The following MAPKAP1 variants were observed in gnomAD, a reference collection of about 807,000 sequenced individuals.
MAPKAP1 encodes MAPK associated protein 1.
Under a neutral mutation model 65.7 loss-of-function variants are expected in MAPKAP1, and 20 were observed. That is an observed-to-expected ratio of 0.30 (90% CI 0.21 to 0.44). The LOEUF (loss-of-function observed/expected upper bound fraction) is 0.44. Among genes scored for constraint, MAPKAP1 ranks in the 20% least tolerant of loss-of-function variants. MAPKAP1 has a pLI of 1.00. For missense variants in MAPKAP1, 423 were observed against 648.0 expected (o/e 0.65, Z 3.77); for synonymous variants, 222 against 244.3 (o/e 0.91, Z 0.85).
At chr9:125,565,741 C>CAA (rs71374275) in intron 5 of MAPKAP1, 2,571 of 148,878 alleles carry the variant, frequency 0.017, 119 homozygotes, top group East Asian at 0.08. Context: ...TTCTCTCCTG[C>CAA]AAAAAAAAAA....
chr9:125,451,211 C>T (rs1852935717), intron 10 of MAPKAP1: 1 of 152,248 alleles, frequency 6.6e-6, no homozygotes, highest in Admixed American at 6.5e-5. Context: ...TCACTATGCC[C>T]TCAATGTCGA....
At chr9:125,639,611 G>A (rs1465122131) in intron 4 of MAPKAP1, among the ~76,000 whole-genome samples, 2 of 152,150 alleles carry the variant, frequency 1.3e-5, no homozygotes, top group Non-Finnish European at 2.9e-5. Context: ...AGAGAGGCAC[G>A]GGAAGAGACA....
intron 6 of MAPKAP1, among the ~76,000 whole-genome samples, chr9:125,553,764 C>T (rs1450079962): frequency 1.3e-5 from 2 of 152,148 alleles, no homozygotes; most frequent in African/African-American, 4.8e-5. Flanking sequence ...GAGCTAGAAG[C>T]GGTGGCTGAA....
chr9:125,549,465 A>G (rs1008714123), intron 6 of MAPKAP1, among the ~76,000 whole-genome samples: 3 of 152,258 alleles, frequency 2.0e-5, no homozygotes, highest in Admixed American at 1.3e-4. Flanking sequence ...CTTTATCCAT[A>G]AAGAGTTTAC....
At chr9:125,492,359 A>G (rs1231750887) in intron 8 of MAPKAP1, among the ~76,000 whole-genome samples, 1 of 152,242 alleles carries the variant, frequency 6.6e-6, no homozygotes, top group Non-Finnish European at 1.5e-5. Flanking sequence ...TTGGACAATA[A>G]TAATGGGAAA....
intron 6 of MAPKAP1, among the ~76,000 whole-genome samples, chr9:125,547,988 G>T (rs1830477953): frequency 6.6e-6 from 1 of 152,174 alleles, no homozygotes; most frequent in Non-Finnish European, 1.5e-5. Flanking sequence ...AATACAAGTT[G>T]TCCACTGTTT....
intron 10 of MAPKAP1, among the ~76,000 whole-genome samples, chr9:125,453,038 A>G (rs756720612): frequency 6.6e-6 from 1 of 152,254 alleles, no homozygotes; most frequent in South Asian, 2.1e-4. Context: ...CCAAAGTTAA[A>G]TAAGAGTGGC....
chr9:125,632,946 CTCTA>C (rs1438975790), intron 4 of MAPKAP1, among the ~76,000 whole-genome samples: 1 of 152,196 alleles, frequency 6.6e-6, no homozygotes, highest in Non-Finnish European at 1.5e-5. Flanking sequence ...AACCACAGCC[CTCTA>C]TCTAGCTAAC....
chr9:125,625,257 A>AAAT (rs1833077613), intron 4 of MAPKAP1, among the ~76,000 whole-genome samples: 1 of 64,066 alleles, frequency 1.6e-5, no homozygotes, highest in Non-Finnish European at 3.1e-5. Flanking sequence ...TAAATAAATA[A>AAAT]AAAAAAAAAA....
At chr9:125,617,070 TAATTA>T (rs199507797) in intron 4 of MAPKAP1, among the ~76,000 whole-genome samples, 1,697 of 152,322 alleles carry the variant, frequency 0.011, 41 homozygotes, top group African/African-American at 0.038. Flanking sequence ...ACAGATATTT[TAATTA>T]AATTAATGTA....
intron 8 of MAPKAP1, among the ~76,000 whole-genome samples, chr9:125,496,369 G>T (rs73591555): frequency 0.014 from 2,120 of 152,290 alleles, 46 homozygotes; most frequent in African/African-American, 0.047. Flanking sequence ...AGCCAGACAG[G>T]TTAACTGGCT....
chr9:125,529,201 GAAAGAAA>G (rs1829865628), intron 7 of MAPKAP1, among the ~76,000 whole-genome samples: 1 of 145,826 alleles, frequency 6.9e-6, no homozygotes, highest in South Asian at 2.2e-4. Context: ...AAAAAAGAAA[GAAAGAAA>G]AAAGAAAAGA....
chr9:125,663,067 GT>G (rs968512358), intron 3 of MAPKAP1, among the ~76,000 whole-genome samples: 48 of 151,358 alleles, frequency 3.2e-4, no homozygotes, highest in Admixed American at 1.1e-3. Context: ...ACAATAAAAA[GT>G]TTTTTTTTAA....
At chr9:125,516,172 C>A (rs1176272262) in intron 7 of MAPKAP1, among the ~76,000 whole-genome samples, 1 of 152,204 alleles carries the variant, frequency 6.6e-6, no homozygotes, top group African/African-American at 2.4e-5. Flanking sequence ...CACTTTCAAA[C>A]CACTGCACTG....
At chr9:125,594,194 C>T (rs772259854) in intron 4 of MAPKAP1, among the ~76,000 whole-genome samples, 2 of 152,204 alleles carry the variant, frequency 1.3e-5, no homozygotes, top group Non-Finnish European at 2.9e-5. Flanking sequence ...AAAAATCCTT[C>T]CCCTCCAAAT....
At position 125,658,928 on chromosome 9, in the gene MAPKAP1, G is replaced by A. The variant is rs149086977; in HGVS notation, c.350-1129C>T. On this transcript the variant is annotated intron_variant, in intron 3 of 11. Coordinates refer to ENST00000265960, the MANE Select transcript of MAPKAP1 (RefSeq NM_001006617.3). The stretch of plus-strand genomic sequence containing the variant: ...AAACCAAGAGAGAGAACAGAGCTCC[G>A]AAAGAGTCACTTAGAACTTTCAAAA... Among the ~76,000 whole-genome samples, 628 of 152,148 alleles carry A rather than the reference G, an allele frequency of 4.1e-3. 6 individuals carry two copies. Among genetic ancestry groups the A allele is most frequent in the African/African-American group, 0.014 (589 of 41,490 alleles).
Position 125,595,656 on chromosome 9 carries a change from C to A in MAPKAP1, c.499-9929G>T. Reference sequence around the variant, plus strand: ...CCAAGGAAGCATCGTTAAAGTCTCTCTTCTCCCTGCCGTCCTAAGTCAGAG... The same window carrying A: ...CCAAGGAAGCATCGTTAAAGTCTCTATTCTCCCTGCCGTCCTAAGTCAGAG... On this transcript the variant is annotated intron_variant, in intron 4 of 11. Coordinates refer to ENST00000265960, the MANE Select transcript of MAPKAP1 (RefSeq NM_001006617.3). The surrounding 1 kb of genome is among the most constrained non-coding windows in gnomAD (Gnocchi z 4.0). 1 of 1,491,776 alleles carries A rather than the reference C, an allele frequency of 6.7e-7. No individual in the cohort carries two copies. The highest frequency in any genetic ancestry group is 8.9e-7 in the Non-Finnish European group (1 of 1,126,138). 92.4% of individuals were successfully genotyped at this position (1,491,776 alleles called of 1,614,324 possible). A position where few individuals can be genotyped will look rare whatever the true frequency, so the allele number is the denominator to read the frequency against.
chr9:125,465,580 C>G (rs1442496285), intron 10 of MAPKAP1, among the ~76,000 whole-genome samples: 2 of 152,152 alleles, frequency 1.3e-5, no homozygotes, highest in Non-Finnish European at 2.9e-5. Flanking sequence ...TGTGGAATAA[C>G]TTTTGGATTC....
Position 125,514,667 on chromosome 9 carries a change from G to T in MAPKAP1, c.959-8250C>A, listed in dbSNP as rs1016240547. Among the ~76,000 whole-genome samples, 13 of 152,316 alleles carry T rather than the reference G, an allele frequency of 8.5e-5. No homozygotes were observed. The South Asian group carries it at 2.7e-3, about 32-fold the overall frequency. On this transcript the variant is annotated intron_variant, in intron 7 of 11. Transcript: ENST00000265960. ...AAGCTTGGCCCAGATTGTTGGTCAA[G>T]ATTTGGATTTTCTCTCATATGCAAC...
Sources: gnomAD v4.1 joint callset for allele counts (sites outside exome capture counted in the v4.1 genomes callset) on GRCh38, gnomAD v4.1.1 for gene constraint, Gnocchi (gnomAD v3.1) non-coding constraint, MANE v1.5 for transcripts, NCBI Gene and HGNC (gene_info 2026-07-23, HGNC 2026-07-21) for gene names.